The following ZNF382 variants were observed in gnomAD, a reference collection of about 807,000 sequenced individuals.
ZNF382 encodes the protein zinc finger protein 382.
In ZNF382, 20 loss-of-function variants were observed where a neutral mutation model predicts 38.8. The ratio of observed to expected loss-of-function variants is 0.51; its 90% confidence interval spans 0.36 to 0.75. The LOEUF is 0.75. Ranked by LOEUF, ZNF382 falls within the 30% of genes least tolerant of loss-of-function variation. The probability of loss-of-function intolerance (pLI) is 0.00; values close to 1 mark genes in which losing one functional copy is unlikely to be tolerated. For synonymous variants in ZNF382, 202 were observed against 223.1 expected, an observed-to-expected ratio of 0.91 and a Z score of 0.84; for missense variants, 546 against 654.1, an observed-to-expected ratio of 0.83 and a Z score of 1.80.
chr19:36,616,086 A>G (rs764829834), intron 4 of ZNF382, among the ~76,000 whole-genome samples: 3 of 152,180 alleles, frequency 2.0e-5, no homozygotes, highest in Admixed American at 6.5e-5. Flanking sequence ...AAGGGAGTTT[A>G]TAAATTAATT....
chr19:36,622,471 T>C (rs1369574879), intron 4 of ZNF382, among the ~76,000 whole-genome samples: 1 of 152,240 alleles, frequency 6.6e-6, no homozygotes, highest in Non-Finnish European at 1.5e-5. Flanking sequence ...ATGCAGCTTC[T>C]AGTCGCCCTA....
chr19:36,623,497 T>C (rs550637325), intron 4 of ZNF382, among the ~76,000 whole-genome samples: 3 of 152,182 alleles, frequency 2.0e-5, no homozygotes, highest in Non-Finnish European at 4.4e-5. Context: ...AGAAAAACTA[T>C]GTGAAAGCTT....
rs765183579 is a variant in ZNF382 at position 36,609,980 on chromosome 19, G to A, written c.66G>A (p.Gln22=). 6.2e-7 allele frequency: 1 copy of A among 1,613,988 alleles called. No individual in the cohort carries two copies. Among genetic ancestry groups the A allele is most frequent in the Admixed American group, 1.7e-5 (1 of 59,944 alleles). Residue 22 remains glutamine, a synonymous_variant, in exon 3 of 5, where the codon CAG becomes CAA. Transcript: ENST00000292928. ...VTVDFTQEEW[Q]QLDPAQKALY... ...TGGACTTCACCCAGGAGGAGTGGCA[G>A]CAACTAGACCCTGCTCAGAAGGCGC...
intron 4 of ZNF382, among the ~76,000 whole-genome samples, chr19:36,621,589 A>T (rs1053230936): frequency 3.7e-4 from 53 of 142,000 alleles, no homozygotes; most frequent in African/African-American, 1.4e-3. Flanking sequence ...AATAGAAAAA[A>T]ATACACACAC....
intron 4 of ZNF382, among the ~76,000 whole-genome samples, chr19:36,611,653 G>A (rs1360831477): frequency 1.3e-5 from 2 of 152,076 alleles, no homozygotes; most frequent in African/African-American, 4.8e-5. Flanking sequence ...GTTCTTTTGG[G>A]TATAATCTCA....
chr19:36,606,241 C>T (rs993382415), intron 1 of ZNF382, among the ~76,000 whole-genome samples: 4 of 151,380 alleles, frequency 2.6e-5, no homozygotes, highest in Non-Finnish European at 5.9e-5. Context: ...AGATTCATTT[C>T]CTGGAAACAC....
chr19:36,615,631 T>C (rs1391588761), intron 4 of ZNF382, among the ~76,000 whole-genome samples: 1 of 152,190 alleles, frequency 6.6e-6, no homozygotes, highest in Non-Finnish European at 1.5e-5. Context: ...TTGTTAACTG[T>C]TTTTATAGCA....
chr19:36,622,125 G>A (rs371234047), intron 4 of ZNF382, among the ~76,000 whole-genome samples: 6 of 151,716 alleles, frequency 4.0e-5, no homozygotes, highest in African/African-American at 4.8e-5. Context: ...AGGTTCAAGC[G>A]ATTCTCATGC....
At position 36,621,964 on chromosome 19, in the gene ZNF382, C is replaced by G. The variant is rs528909762; in HGVS notation, c.233-4166C>G. ...GGTACAGTAATCCATCCAAGACTGC[C>G]TTTACTTCTGATAGCAGCTGTTAAT... On this transcript the variant is annotated intron_variant, in intron 4 of 4. Transcript: ENST00000292928. 6.9e-4 allele frequency among the ~76,000 whole-genome samples: 104 copies of G among 151,762 alleles called. 5 individuals carry two copies. The South Asian group carries it at 0.021, about 30-fold the overall frequency.
chr19:36,613,254 A>T (rs1236640978), intron 4 of ZNF382, among the ~76,000 whole-genome samples: 1 of 152,078 alleles, frequency 6.6e-6, no homozygotes, highest in African/African-American at 2.4e-5. Context: ...GTGTCTTTTG[A>T]TGAACAGAAG....
At position 36,627,379 on chromosome 19, in the gene ZNF382, T is replaced by C; in HGVS notation, c.1482T>C (p.Cys494=). 6.2e-7 allele frequency: 1 copy of C among 1,614,126 alleles called. No homozygotes were observed. The highest frequency in any genetic ancestry group is 8.5e-7 in the Non-Finnish European group (1 of 1,180,018). Residue 494 remains cysteine (C), a synonymous_variant, in exon 5 of 5, where the codon TGT becomes TGC. Coordinates refer to ENST00000292928, the MANE Select transcript of ZNF382 (RefSeq NM_032825.5). ...ATACAGGAGAAAAATCCAATGGGTG[T>C]CCTCAGTGTGGGAAAGCCTTCAGTA... ...RIHTGEKSNG[C]PQCGKAFSRK... is the part of the protein sequence containing the mutation.
At chr19:36,614,896 T>TTCCTC (rs2037109021) in intron 4 of ZNF382, among the ~76,000 whole-genome samples, 1 of 77,860 alleles carries the variant, frequency 1.3e-5, no homozygotes, top group African/African-American at 6.7e-5. Flanking sequence ...TTCCTTTCCT[T>TTCCTC]TCCTTTCCTT....
intron 2 of ZNF382, chr19:36,607,900 A>C: frequency 2.5e-6 from 1 of 392,898 alleles, no homozygotes; most frequent in East Asian, 4.0e-5. Context: ...AACCAAATCA[A>C]CTTAAGCCTT....
chr19:36,633,682 A>G lies in ZNF382; in HGVS notation c.*6132A>G, dbSNP rs1568635099. On this transcript the variant is annotated 3_prime_UTR_variant, in exon 5 of 5. Transcript: ENST00000292928. Reference sequence around the variant, plus strand: ...TTAAAAAAAAAACTAGAGACAAGCAAATGTTCTTCAGTGTGTAAATGGATA... The same window carrying G: ...TTAAAAAAAAAACTAGAGACAAGCAGATGTTCTTCAGTGTGTAAATGGATA... The G allele has an allele frequency of 6.6e-6, 1 of 152,154 alleles. No individual in the cohort carries two copies. Among genetic ancestry groups the G allele is most frequent in the Non-Finnish European group, 1.5e-5 (1 of 68,018 alleles). The allele number at this position is 152,154 out of a possible 1,614,324, so 9.4% of individuals were successfully genotyped here.
At chr19:36,610,548 AATGT>A in intron 3 of ZNF382, 98 bp from the exon 4 acceptor site, 2 of 793,506 alleles carry the variant, frequency 2.5e-6, no homozygotes, top group Non-Finnish European at 4.1e-6. Context: ...GTAAGACATT[AATGT>A]ATACCTCATT....
At chr19:36,624,151 G>A (rs751238518) in intron 4 of ZNF382, among the ~76,000 whole-genome samples, 1 of 152,140 alleles carries the variant, frequency 6.6e-6, no homozygotes, top group Non-Finnish European at 1.5e-5. Context: ...CATATACTTG[G>A]AGGTGTTTGA....
Position 36,626,168 on chromosome 19 carries a change from A to G in ZNF382, c.271A>G (p.Lys91Glu). 2 of 1,568,298 alleles carry G rather than the reference A, an allele frequency of 1.3e-6. No individual in the cohort carries two copies. The highest frequency in any genetic ancestry group is 1.7e-6 in the Non-Finnish European group (2 of 1,164,302). Residue 91 changes from lysine to glutamate, a missense_variant, in exon 5 of 5, where the codon AAA (lysine) becomes GAA (glutamate). Lys to Glu is a moderately conservative substitution (Grantham distance 56). Transcript: ENST00000292928. Reference sequence around the variant, plus strand: ...AACTGAAGATGTCTTAGTGAAGTTCAAAGAATACCAAGACAGGCATTCTAG... The same window carrying G: ...AACTGAAGATGTCTTAGTGAAGTTCGAAGAATACCAAGACAGGCATTCTAG... ...GKTEDVLVKF[K>E]EYQDRHSRPL...
chr19:36,606,665 A>T (rs979570733), intron 1 of ZNF382, among the ~76,000 whole-genome samples: 2 of 150,890 alleles, frequency 1.3e-5, no homozygotes, highest in Non-Finnish European at 3.0e-5. Context: ...TGCCTGGCAT[A>T]ACTACCACTT....
rs2037212015 is a variant in ZNF382, at chr19:36,626,270, A to G, written c.373A>G (p.Lys125Glu). Residue 125 changes from lysine to glutamate, a missense_variant, in exon 5 of 5, where the codon AAG becomes GAG. Transcript: ENST00000292928. ...TTATGGTAAAACATTTACTCTAGGCAAGAACCGTATTTCAAAAACAATACT... is the reference window on the plus strand; with the variant it reads ...TTATGGTAAAACATTTACTCTAGGCGAGAACCGTATTTCAAAAACAATACT... ...NIYGKTFTLGKNRISKTILCE... is the reference protein window; with the variant it reads ...NIYGKTFTLGENRISKTILCE... 6.2e-7 allele frequency: 1 copy of G among 1,604,616 alleles called. No homozygotes were observed. The highest frequency in any genetic ancestry group is 8.5e-7 in the Non-Finnish European group (1 of 1,177,820).
Sources: allele counts gnomAD v4.1 joint callset (sites outside exome capture counted in the v4.1 genomes callset), GRCh38; gene constraint gnomAD v4.1.1; transcripts MANE v1.5; gene names NCBI Gene and HGNC (gene_info 2026-07-23, HGNC 2026-07-21).